Variants in WWP1 observed in about 807,000 individuals in gnomAD.
WWP1 encodes NEDD4-like E3 ubiquitin-protein ligase WWP1.
Under a neutral mutation model 130.6 loss-of-function variants are expected in WWP1, and 49 were observed. The ratio of observed to expected loss-of-function variants is 0.38; its 90% CI spans 0.30 to 0.48. WWP1 has a LOEUF of 0.48. Among genes scored for constraint, WWP1 ranks in the 20% least tolerant of loss-of-function variants. The pLI is 0.99. For synonymous variants in WWP1, 332 were observed against 367.8 expected (o/e 0.90, Z 1.11); for missense variants, 809 against 1,100.6 (o/e 0.74, Z 3.75).
At chr8:86,392,353 G>A (rs1807394520) in intron 5 of WWP1, among the ~76,000 whole-genome samples, 1 of 152,192 alleles carries the variant, frequency 6.6e-6, no homozygotes, top group African/African-American at 2.4e-5. Context: ...ACTTCACTTT[G>A]TGTTTCAATT....
intron 3 of WWP1, among the ~76,000 whole-genome samples, chr8:86,378,749 TG>T (rs1824814589): frequency 6.6e-6 from 1 of 152,158 alleles, no homozygotes; most frequent in Admixed American, 6.5e-5. Flanking sequence ...CTAGTATTGT[TG>T]AGTATTTTGC....
chr8:86,374,657 A>G (rs1824527657), intron 3 of WWP1, among the ~76,000 whole-genome samples: 1 of 152,210 alleles, frequency 6.6e-6, no homozygotes, highest in Non-Finnish European at 1.5e-5. Context: ...GTCTATAAGT[A>G]CCATTTTCTA....
chr8:86,353,794 A>G (rs1463542080), intron 1 of WWP1, among the ~76,000 whole-genome samples: 2 of 152,122 alleles, frequency 1.3e-5, no homozygotes, highest in Admixed American at 6.5e-5. Context: ...TGAGAAGCCT[A>G]TTGTATCTGT....
intron 16 of WWP1, among the ~76,000 whole-genome samples, chr8:86,437,579 A>G (rs1810360484): frequency 6.6e-6 from 1 of 152,146 alleles, no homozygotes; most frequent in African/African-American, 2.4e-5. Context: ...AGAACTATCC[A>G]TTTAATACTA....
At chr8:86,384,247 A>C (rs1825157365) in intron 5 of WWP1, among the ~76,000 whole-genome samples, 1 of 152,166 alleles carries the variant, frequency 6.6e-6, no homozygotes, top group Non-Finnish European at 1.5e-5. Flanking sequence ...CAACATACGA[A>C]TTTGGTGGGG....
chr8:86,442,837 CT>C (rs1379756790), intron 18 of WWP1, 59 bp downstream of exon 18: 590 of 1,331,258 alleles, frequency 4.4e-4, no homozygotes, highest in East Asian at 3.1e-3. Context: ...TTAGAGAAGG[CT>C]TTTAAAAAAA....
intron 14 of WWP1, among the ~76,000 whole-genome samples, chr8:86,433,122 C>T (rs938226369): frequency 3.3e-5 from 5 of 152,150 alleles, no homozygotes; most frequent in South Asian, 4.1e-4. Context: ...CAATACATTT[C>T]TCTCTCCTGG....
chr8:86,414,915 C>A (rs1325977895), intron 9 of WWP1, among the ~76,000 whole-genome samples: 1 of 109,264 alleles, frequency 9.2e-6, no homozygotes, highest in East Asian at 3.2e-4. Context: ...CCCTAAATAG[C>A]GATTAGGCAA....
chr8:86,356,899 A>G (rs1484229667), intron 1 of WWP1, among the ~76,000 whole-genome samples: 13 of 150,136 alleles, frequency 8.7e-5, no homozygotes, highest in Admixed American at 8.6e-4. Context: ...TTGTTTCCAC[A>G]ACTGTAAGCA....
chr8:86,433,163 G>C (rs1238437676), intron 14 of WWP1, among the ~76,000 whole-genome samples: 1 of 150,192 alleles, frequency 6.7e-6, no homozygotes, highest in East Asian at 2.0e-4. Context: ...ATACTTTCTT[G>C]ATTTCCCTCT....
chr8:86,409,229 T>G (rs1808447904), intron 8 of WWP1, among the ~76,000 whole-genome samples: 2 of 135,026 alleles, frequency 1.5e-5, no homozygotes, highest in Admixed American at 1.4e-4. Context: ...TTTCTTTCTT[T>G]TTTTTTTTTT....
chr8:86,352,861 G>A (rs1823020353), intron 1 of WWP1, among the ~76,000 whole-genome samples: 2 of 152,194 alleles, frequency 1.3e-5, no homozygotes, highest in Admixed American at 1.3e-4. Flanking sequence ...TGTCCATTAG[G>A]CTTCCTTGTT....
intron 3 of WWP1, 59 bp from the exon 4 acceptor site, chr8:86,380,667 T>A: frequency 1.3e-6 from 2 of 1,486,412 alleles, no homozygotes; most frequent in South Asian, 3.0e-5. Flanking sequence ...ATTGATTGAT[T>A]AGTGTGCAGT....
At chr8:86,401,411 T>G (rs1807971676) in intron 7 of WWP1, among the ~76,000 whole-genome samples, 1 of 151,934 alleles carries the variant, frequency 6.6e-6, no homozygotes, top group African/African-American at 2.4e-5. Context: ...ATTTAAAAAA[T>G]TAGCTGGGCA....
At position 86,458,057 on chromosome 8, in the gene WWP1, A is replaced by G. The variant is rs757288642; in HGVS notation, c.2499+32A>G. The G allele has an allele frequency of 2.6e-6, 4 of 1,549,878 alleles. No homozygotes were observed. In the East Asian group the frequency reaches 9.0e-5, roughly 35 times the overall value. ...GCTTTTATCTTTTTTGAAACAAAGT[A>G]CTCAACATATTTTCTAATGAAATGG... On this transcript the variant is annotated intron_variant, in intron 22 of 24. Coordinates refer to ENST00000517970, the MANE Select transcript of WWP1 (RefSeq NM_007013.4).
chr8:86,433,019 C>T (rs1284919659), intron 14 of WWP1, among the ~76,000 whole-genome samples: 1 of 152,170 alleles, frequency 6.6e-6, no homozygotes, highest in African/African-American at 2.4e-5. Flanking sequence ...TCCCCTGACA[C>T]TGAATTTGCA....
chr8:86,402,787 G>A (rs576009820), intron 8 of WWP1, among the ~76,000 whole-genome samples: 1 of 152,274 alleles, frequency 6.6e-6, no homozygotes, highest in South Asian at 2.1e-4. Context: ...AAAATACTAT[G>A]TAATTCATGA....
At chr8:86,405,847 A>G (rs1364908815) in intron 8 of WWP1, among the ~76,000 whole-genome samples, 2 of 68,248 alleles carry the variant, frequency 2.9e-5, no homozygotes, top group Non-Finnish European at 6.5e-5. Context: ...ACCTTTCTAA[A>G]TTCCAAAGAA....
chr8:86,385,038 G>T (rs965501077), intron 5 of WWP1, among the ~76,000 whole-genome samples: 1 of 145,392 alleles, frequency 6.9e-6, no homozygotes, highest in Non-Finnish European at 1.5e-5. Flanking sequence ...AAAAAAAAAA[G>T]TAAACAACTG....
Sources: gnomAD v4.1 joint callset for allele counts (sites outside exome capture counted in the v4.1 genomes callset) on GRCh38, gnomAD v4.1.1 for gene constraint, MANE v1.5 for transcripts, NCBI Gene and HGNC (gene_info 2026-07-23, HGNC 2026-07-21) for gene names.